Variants in TBCK observed in about 807,000 individuals in gnomAD.
TBCK encodes the protein TBC domain-containing protein kinase-like protein.
Under a neutral mutation model 113.4 loss-of-function variants are expected in TBCK, and 99 were observed. The ratio of observed to expected loss-of-function variants is 0.87; its 90% CI spans 0.74 to 1.03. The LOEUF is 1.03. Among genes scored for constraint, TBCK ranks in the 50% least tolerant of loss-of-function variants. The pLI, the probability that TBCK is intolerant of heterozygous loss-of-function variation, is 0.00. For synonymous variants in TBCK, 369 were observed against 370.8 expected (o/e 1.00, Z 0.05); for missense variants, 1,045 against 1,061.3 (o/e 0.98, Z 0.21).
intron 22 of TBCK, among the ~76,000 whole-genome samples, chr4:106,191,903 A>C (rs777312983): frequency 2.0e-5 from 3 of 152,158 alleles, no homozygotes; most frequent in Non-Finnish European, 4.4e-5. Context: ...AGAAAGGATA[A>C]AATTACCAGA....
intron 19 of TBCK, among the ~76,000 whole-genome samples, chr4:106,224,937 C>T (rs1418993495): frequency 1.3e-5 from 2 of 152,138 alleles, no homozygotes; most frequent in Non-Finnish European, 2.9e-5. Context: ...AAAATTGAAA[C>T]CCCCTAAACT....
chr4:106,216,422 C>G (rs1246681513), intron 19 of TBCK, among the ~76,000 whole-genome samples: 2 of 152,230 alleles, frequency 1.3e-5, no homozygotes, highest in Non-Finnish European at 2.9e-5. Context: ...ATTACTGAAT[C>G]CAGGAGCTGG....
At chr4:106,293,302 C>T (rs1465376685) in intron 3 of TBCK, among the ~76,000 whole-genome samples, 1 of 152,064 alleles carries the variant, frequency 6.6e-6, no homozygotes, top group Non-Finnish European at 1.5e-5. Context: ...TGACAGCAAC[C>T]AAAACGAGAT....
At chr4:106,211,186 T>A (rs1432003278) in intron 20 of TBCK, among the ~76,000 whole-genome samples, 1 of 152,176 alleles carries the variant, frequency 6.6e-6, no homozygotes, top group Non-Finnish European at 1.5e-5. Context: ...TTTTTTAGTC[T>A]AAATTTTAAA....
chr4:106,047,078 C>G (rs1734299820), intron 25 of TBCK, among the ~76,000 whole-genome samples: 1 of 152,068 alleles, frequency 6.6e-6, no homozygotes, highest in African/African-American at 2.4e-5. Context: ...TCAAAACAAG[C>G]TCAAATGTAC....
At chr4:106,204,750 G>GTTTTTTTTTT (rs1755258552) in intron 20 of TBCK, among the ~76,000 whole-genome samples, 1 of 115,614 alleles carries the variant, frequency 8.6e-6, no homozygotes. Context: ...GACAAACAAT[G>GTTTTTTTTTT]ATTTTTTTTT....
rs544348716 is a variant in TBCK at position 106,139,599 on chromosome 4, T to C, written c.2236-23221A>G. 5.0e-4 allele frequency among the ~76,000 whole-genome samples: 70 copies of C among 141,408 alleles called. 7 individuals are homozygous for C. Among genetic ancestry groups the C allele is most frequent in the African/African-American group, 1.7e-3 (68 of 40,068 alleles). The allele number at this position is 141,408 out of a possible 152,430, so 92.8% of individuals were successfully genotyped here. On this transcript the variant is annotated intron_variant, in intron 23 of 25. Transcript: ENST00000394708. Reference sequence around the variant, plus strand: ...CTACAATGTGTTTAGCTGTGAATACTGCAAACTTCTTTTAAATAGGAGAAA... The same window carrying C: ...CTACAATGTGTTTAGCTGTGAATACCGCAAACTTCTTTTAAATAGGAGAAA...
chr4:106,313,414 G>A (rs1418090707), intron 1 of TBCK, among the ~76,000 whole-genome samples: 2 of 152,060 alleles, frequency 1.3e-5, no homozygotes, highest in African/African-American at 4.8e-5. Flanking sequence ...TGGAAGGATT[G>A]AGAGTTGAAG....
At chr4:106,287,316 A>G (rs1765213741) in intron 3 of TBCK, among the ~76,000 whole-genome samples, 1 of 152,172 alleles carries the variant, frequency 6.6e-6, no homozygotes, top group Non-Finnish European at 1.5e-5. Flanking sequence ...AATAATTTTA[A>G]GAATTCCAGA....
intron 2 of TBCK, among the ~76,000 whole-genome samples, chr4:106,305,604 A>C (rs2125884087): frequency 6.6e-6 from 1 of 152,214 alleles, no homozygotes; most frequent in South Asian, 2.1e-4. Flanking sequence ...GAGGCGTGTG[A>C]ACCAGAGCAA....
intron 5 of TBCK, among the ~76,000 whole-genome samples, chr4:106,259,503 A>C (rs1395092245): frequency 6.6e-6 from 1 of 151,958 alleles, no homozygotes; most frequent in African/African-American, 2.4e-5. Context: ...AACTGTTCTG[A>C]GGTCATGTAA....
chr4:106,213,418 G>A (rs546514205), intron 19 of TBCK: 161 of 157,842 alleles, frequency 1.0e-3, no homozygotes, highest in African/African-American at 3.4e-3. Context: ...CCTGAGCGAC[G>A]CAGAAGACAG....
At chr4:106,175,241 T>C (rs1021879485) in intron 22 of TBCK, among the ~76,000 whole-genome samples, 2 of 152,064 alleles carry the variant, frequency 1.3e-5, no homozygotes, top group Admixed American at 6.6e-5. Context: ...GTTATCTTTC[T>C]GAATAAATTA....
At chr4:106,124,940 A>G in intron 23 of TBCK, among the ~76,000 whole-genome samples, 1 of 151,608 alleles carries the variant, frequency 6.6e-6, no homozygotes, top group Non-Finnish European at 1.5e-5. Context: ...AGCATGGCAC[A>G]TGTATACATA....
chr4:106,270,759 A>T (rs1763401563), intron 3 of TBCK, among the ~76,000 whole-genome samples: 1 of 152,218 alleles, frequency 6.6e-6, no homozygotes, highest in South Asian at 2.1e-4. Flanking sequence ...TTATTACAGC[A>T]TCTGCAAGAC....
At chr4:106,197,658 T>G (rs1252051595) in intron 20 of TBCK, among the ~76,000 whole-genome samples, 2 of 151,910 alleles carry the variant, frequency 1.3e-5, no homozygotes, top group Non-Finnish European at 2.9e-5. Flanking sequence ...AAAACCAAGC[T>G]GCTCTGGCCC....
At chr4:106,297,968 T>C (rs1056124906) in intron 2 of TBCK, among the ~76,000 whole-genome samples, 8 of 152,194 alleles carry the variant, frequency 5.3e-5, no homozygotes, top group African/African-American at 1.9e-4. Flanking sequence ...TAACAAGCAA[T>C]AGCTGATTGT....
chr4:106,262,225 CA>C lies in TBCK; in HGVS notation c.267-14del. 7.0e-7 allele frequency: 1 copy of C among 1,437,058 alleles called. No homozygotes were observed. Among genetic ancestry groups the C allele is most frequent in the Non-Finnish European group, 9.5e-7 (1 of 1,052,692 alleles). The allele number at this position is 1,437,058 out of a possible 1,614,324, so 89.0% of individuals were successfully genotyped here. The stretch of plus-strand genomic sequence containing the variant: ...AACCGTTGAACAGCTACAAAGAAAA[CA>C]AAAAGTCAAAGATCAATTACAAAGC... On this transcript the variant is annotated splice_polypyrimidine_tract_variant and intron_variant, in intron 3 of 25. Transcript: ENST00000394708.
chr4:106,126,143 C>A (rs1246596214), intron 23 of TBCK, among the ~76,000 whole-genome samples: 1 of 152,206 alleles, frequency 6.6e-6, no homozygotes, highest in Non-Finnish European at 1.5e-5. Flanking sequence ...TAATAAATCC[C>A]TGCTTGCCTT....
Sources: gnomAD v4.1 joint callset for allele counts (sites outside exome capture counted in the v4.1 genomes callset) on GRCh38, gnomAD v4.1.1 for gene constraint, MANE v1.5 for transcripts, NCBI Gene and HGNC (gene_info 2026-07-23, HGNC 2026-07-21) for gene names.